Variants in PDE3A observed in about 807,000 individuals in gnomAD.
PDE3A encodes the protein phosphodiesterase 3A.
In PDE3A, 43 loss-of-function variants were observed where a neutral mutation model predicts 98.3. That is an observed-to-expected ratio of 0.44 (90% CI 0.34 to 0.56). The LOEUF (loss-of-function observed/expected upper bound fraction) is 0.56, where lower values mean the gene tolerates loss of function less well. Among genes scored for constraint, PDE3A ranks in the 20% least tolerant of loss-of-function variants. The pLI, the probability that PDE3A is intolerant of heterozygous loss-of-function variation, is 0.01. For missense variants in PDE3A, 1,427 were observed against 1,440.7 expected (o/e 0.99, Z 0.15); for synonymous variants, 663 against 567.9 (o/e 1.17, Z -2.38).
At chr12:20,667,631 C>T (rs538961232) in intron 15 of PDE3A, among the ~76,000 whole-genome samples, 1 of 152,178 alleles carries the variant, frequency 6.6e-6, no homozygotes, top group African/African-American at 2.4e-5. Context: ...GTCTATATGT[C>T]CATTTATATA....
At chr12:20,559,110 G>A (rs1463716624) in intron 2 of PDE3A, among the ~76,000 whole-genome samples, 1 of 152,140 alleles carries the variant, frequency 6.6e-6, no homozygotes, top group Admixed American at 6.5e-5. Flanking sequence ...GTGAATGACA[G>A]TATATATGAT....
At chr12:20,460,096 C>T (rs1256662804) in intron 1 of PDE3A, among the ~76,000 whole-genome samples, 3 of 152,192 alleles carry the variant, frequency 2.0e-5, no homozygotes, top group Non-Finnish European at 4.4e-5. Flanking sequence ...TAGCCCCCTG[C>T]TGCTGTTACC....
intron 1 of PDE3A, among the ~76,000 whole-genome samples, chr12:20,475,217 G>GTGTGTGTA: frequency 6.9e-6 from 1 of 145,912 alleles, no homozygotes; most frequent in Admixed American, 6.8e-5. Flanking sequence ...GTGTGTGTGT[G>GTGTGTGTA]TATGTTCCTT....
At chr12:20,550,573 A>G (rs1942174868) in intron 1 of PDE3A, among the ~76,000 whole-genome samples, 1 of 152,138 alleles carries the variant, frequency 6.6e-6, no homozygotes, top group Admixed American at 6.5e-5. Flanking sequence ...TCCATAAATT[A>G]AAAAATTAAA....
chr12:20,650,219 A>G (rs945665837), intron 13 of PDE3A, among the ~76,000 whole-genome samples: 1 of 149,892 alleles, frequency 6.7e-6, no homozygotes, highest in Non-Finnish European at 1.5e-5. Context: ...CCTGTCACCC[A>G]TTATTATAAT....
intron 5 of PDE3A, among the ~76,000 whole-genome samples, chr12:20,626,665 T>G (rs1036864529): frequency 2.6e-5 from 4 of 152,040 alleles, no homozygotes; most frequent in Admixed American, 1.3e-4. Context: ...ATCAGGCTAA[T>G]TTTTGTATTT....
intron 11 of PDE3A, 51 bp downstream of exon 11, chr12:20,646,654 G>A: frequency 2.2e-6 from 3 of 1,383,628 alleles, no homozygotes; most frequent in Non-Finnish European, 3.1e-6. Flanking sequence ...GAACAAGGGT[G>A]TTTTTGTTTT....
At chr12:20,565,966 G>A (rs1469745991) in intron 2 of PDE3A, among the ~76,000 whole-genome samples, 8 of 151,848 alleles carry the variant, frequency 5.3e-5, no homozygotes, top group Admixed American at 5.2e-4. Context: ...TACCTTGGGA[G>A]AACAAAGGTG....
chr12:20,663,753 G>T (rs576888978), intron 15 of PDE3A, among the ~76,000 whole-genome samples: 59 of 152,304 alleles, frequency 3.9e-4, no homozygotes, highest in African/African-American at 1.4e-3. Context: ...GACTTGCCTT[G>T]TCTCAGATGA....
chr12:20,646,271 A>T (rs553700559), intron 10 of PDE3A, among the ~76,000 whole-genome samples: 2 of 152,352 alleles, frequency 1.3e-5, no homozygotes. Flanking sequence ...AGATACCTGC[A>T]TGCATAATAA....
intron 1 of PDE3A, among the ~76,000 whole-genome samples, chr12:20,487,266 T>C (rs1406314440): frequency 1.4e-4 from 22 of 151,906 alleles, no homozygotes; most frequent in Admixed American, 1.4e-3. Context: ...ATTTAACTGA[T>C]TGATTAATGA....
At chr12:20,589,347 C>T (rs565730960) in intron 2 of PDE3A, among the ~76,000 whole-genome samples, 104 of 152,078 alleles carry the variant, frequency 6.8e-4, no homozygotes, top group African/African-American at 2.4e-3. Flanking sequence ...AATATTTTTG[C>T]CATGGTTGCT....
chr12:20,480,982 T>C (rs7304019), intron 1 of PDE3A, among the ~76,000 whole-genome samples: 66,456 of 152,096 alleles, frequency 0.44, 16,699 homozygotes, highest in African/African-American at 0.7. Context: ...CAACTGATGT[T>C]CATCAATTGT....
At chr12:20,432,144 CA>C (rs1944708550) in intron 1 of PDE3A, among the ~76,000 whole-genome samples, 2 of 152,154 alleles carry the variant, frequency 1.3e-5, no homozygotes, top group African/African-American at 4.8e-5. Flanking sequence ...TAAAGTCACA[CA>C]GAAGTGGCAT....
intron 4 of PDE3A, among the ~76,000 whole-genome samples, chr12:20,618,092 G>GCCTA: frequency 6.6e-6 from 1 of 152,174 alleles, no homozygotes; most frequent in East Asian, 1.9e-4. Flanking sequence ...TTTCCTCACT[G>GCCTA]CCTAATATAC....
intron 1 of PDE3A, among the ~76,000 whole-genome samples, chr12:20,377,962 C>T (rs1347143240): frequency 6.6e-6 from 1 of 151,608 alleles, no homozygotes; most frequent in South Asian, 2.1e-4. Context: ...AATGAAAGTG[C>T]TTATGTTTGT....
intron 2 of PDE3A, among the ~76,000 whole-genome samples, chr12:20,558,768 A>G (rs187845425): frequency 1.6e-4 from 24 of 152,026 alleles, no homozygotes; most frequent in Admixed American, 5.2e-4. Flanking sequence ...TTTTATTGCT[A>G]TTATCTCCTT....
intron 2 of PDE3A, among the ~76,000 whole-genome samples, chr12:20,593,480 A>G (rs1425460418): frequency 3.3e-5 from 5 of 152,152 alleles, no homozygotes; most frequent in Non-Finnish European, 7.4e-5. Flanking sequence ...GAAGAAAAAA[A>G]TATTGTAGCC....
chr12:20,685,767 T>C lies in PDE3A; in HGVS notation c.*5496T>C, dbSNP rs1320096869. Reference sequence around the variant, plus strand: ...GAGCACAGAAGAAAAGCCTTCTCTTTACAGATAAAAAATGTTGAACATGTT... The same window carrying C: ...GAGCACAGAAGAAAAGCCTTCTCTTCACAGATAAAAAATGTTGAACATGTT... On this transcript the variant is annotated 3_prime_UTR_variant, in exon 16 of 16. Transcript: ENST00000359062. Among the ~76,000 whole-genome samples the C allele has an allele frequency of 2.0e-5, 3 of 152,148 alleles. No individual in the cohort carries two copies. The highest frequency in any genetic ancestry group is 4.4e-5 in the Non-Finnish European group (3 of 68,028).
Sources: gnomAD v4.1 joint callset for allele counts (sites outside exome capture counted in the v4.1 genomes callset) on GRCh38, gnomAD v4.1.1 for gene constraint, MANE v1.5 for transcripts, NCBI Gene and HGNC (gene_info 2026-07-23, HGNC 2026-07-21) for gene names.